The following TRDN variants were observed in gnomAD, a reference collection of about 807,000 sequenced individuals.
TRDN encodes the protein triadin in skeletal muscle.
A neutral mutation model predicts 149.7 loss-of-function variants in TRDN; 161 were observed. That is an observed-to-expected ratio of 1.08 (90% CI 0.95 to 1.23). The LOEUF (loss-of-function observed/expected upper bound fraction) is 1.23, where lower values mean the gene tolerates loss of function less well. TRDN is among the 50% of genes most tolerant of loss of function. The pLI is 0.00. For synonymous variants in TRDN, 294 were observed against 250.5 expected, an observed-to-expected ratio of 1.17 and a Z score of -1.64; for missense variants, 896 against 823.5, an observed-to-expected ratio of 1.09 and a Z score of -1.08.
chr6:123,368,951 G>A (rs1217752504), intron 19 of TRDN, among the ~76,000 whole-genome samples: 1 of 152,140 alleles, frequency 6.6e-6, no homozygotes, highest in Non-Finnish European at 1.5e-5. Context: ...ATAGTCATCT[G>A]CTGTATTAAT....
At position 123,596,620 on chromosome 6, in the gene TRDN, C is replaced by T. The variant is rs546999368; in HGVS notation, c.23-25488G>A. On this transcript the variant is annotated intron_variant, in intron 1 of 40. Transcript: ENST00000334268. ...CTAACTCTATCATTAGGAGCTAATG[C>T]AGCTGGTGACTTTAAGTTGAATCCA... Among the ~76,000 whole-genome samples, 3 of 152,196 alleles carry T rather than the reference C, an allele frequency of 2.0e-5. No homozygotes were observed. In the South Asian group the frequency reaches 6.2e-4, roughly 32 times the overall value.
At chr6:123,520,641 A>G (rs1779628372) in intron 5 of TRDN, among the ~76,000 whole-genome samples, 1 of 152,236 alleles carries the variant, frequency 6.6e-6, no homozygotes, top group Non-Finnish European at 1.5e-5. Flanking sequence ...TCTGATACTT[A>G]CGCGTTAAAT....
At chr6:123,262,398 GTTGT>G (rs74273099) in intron 33 of TRDN, among the ~76,000 whole-genome samples, 4,523 of 151,926 alleles carry the variant, frequency 0.03, 134 homozygotes, top group South Asian at 0.12. Context: ...TTCTTTTGTT[GTTGT>G]TTGTTTGTTT....
chr6:123,327,178 T>C (rs1415572446), intron 23 of TRDN, among the ~76,000 whole-genome samples: 1 of 152,130 alleles, frequency 6.6e-6, no homozygotes, highest in Non-Finnish European at 1.5e-5. Flanking sequence ...CTAATGTATT[T>C]TCCTACATTT....
chr6:123,523,010 T>A (rs1036183695), intron 5 of TRDN, among the ~76,000 whole-genome samples: 3 of 152,096 alleles, frequency 2.0e-5, no homozygotes, highest in Non-Finnish European at 4.4e-5. Context: ...CATAGTTCCC[T>A]CCCTCAGTTA....
intron 4 of TRDN, among the ~76,000 whole-genome samples, chr6:123,541,503 C>A (rs1026336405): frequency 6.6e-6 from 1 of 152,154 alleles, no homozygotes; most frequent in Non-Finnish European, 1.5e-5. Flanking sequence ...AGCCAACCTC[C>A]ATACCTACTG....
chr6:123,298,174 A>C (rs916601604), intron 24 of TRDN, among the ~76,000 whole-genome samples: 1 of 152,050 alleles, frequency 6.6e-6, no homozygotes, highest in East Asian at 1.9e-4. Flanking sequence ...AGAAAGAAAA[A>C]CCGGGGATTG....
At chr6:123,253,052 G>A (rs947437441) in intron 37 of TRDN, among the ~76,000 whole-genome samples, 15 of 151,922 alleles carry the variant, frequency 9.9e-5, no homozygotes, top group Middle Eastern at 3.4e-3. Context: ...TTCTTTCAAA[G>A]ATAGATAAAA....
intron 38 of TRDN, among the ~76,000 whole-genome samples, chr6:123,245,309 T>A (rs1055125650): frequency 1.3e-5 from 2 of 151,764 alleles, no homozygotes; most frequent in Admixed American, 6.6e-5. Context: ...GTAAATTGGA[T>A]AGAGTCAAGA....
chr6:123,472,299 C>G (rs527508507), intron 9 of TRDN, among the ~76,000 whole-genome samples: 22 of 152,270 alleles, frequency 1.4e-4, no homozygotes, highest in African/African-American at 4.6e-4. Flanking sequence ...GTTCCCCTTC[C>G]GAGTCAAAGA....
At position 123,571,131 on chromosome 6, in the gene TRDN, T is replaced by C. The variant is rs1172156295; in HGVS notation, c.24A>G (p.Gly8=). The C allele has an allele frequency of 1.2e-6, 2 of 1,613,628 alleles. No individual in the cohort carries two copies. Among genetic ancestry groups the C allele is most frequent in the African/African-American group, 1.3e-5 (1 of 74,900 alleles). Reference sequence around the variant, plus strand: ...TCACAGTTGTGGTTGTAGATGCATTTCCTAATCAAACATTCAGAAAGGAAA... The same window carrying C: ...TCACAGTTGTGGTTGTAGATGCATTCCCTAATCAAACATTCAGAAAGGAAA... MTEITAE[G]NASTTTTVID... The change falls in exon 2 of 41, where the codon GGA becomes GGG. Residue 8 remains glycine, a splice_region_variant and synonymous_variant. Transcript: ENST00000334268.
chr6:123,582,866 G>T (rs1190347691), intron 1 of TRDN, among the ~76,000 whole-genome samples: 2 of 151,998 alleles, frequency 1.3e-5, no homozygotes, highest in Admixed American at 1.3e-4. Context: ...GTGGGATTGG[G>T]GGGGCGTGGG....
chr6:123,554,877 T>A (rs1406061196), intron 2 of TRDN, among the ~76,000 whole-genome samples: 1 of 152,168 alleles, frequency 6.6e-6, no homozygotes, highest in African/African-American at 2.4e-5. Flanking sequence ...ATGAAACAGT[T>A]TGGGCTCAAG....
Position 123,265,308 on chromosome 6 carries a change from G to A in TRDN, c.1804+10C>T, listed in dbSNP as rs891753562. ...AGGACAATTTTAAAATTCTAAAATGGTACACTTACTTGGAGTTGGTTTTGG... is the reference window on the plus strand; with the variant it reads ...AGGACAATTTTAAAATTCTAAAATGATACACTTACTTGGAGTTGGTTTTGG... On this transcript the variant is annotated intron_variant, in intron 33 of 40. Transcript: ENST00000334268. 5.2e-5 allele frequency: 73 copies of A among 1,406,054 alleles called. No individual in the cohort carries two copies. Among genetic ancestry groups the A allele is most frequent in the Non-Finnish European group, 6.5e-5 (68 of 1,054,016 alleles). The allele number at this position is 1,406,054 out of a possible 1,614,324, so 87.1% of individuals were successfully genotyped here.
chr6:123,349,705 T>G, intron 21 of TRDN: 1 of 978,204 alleles, frequency 1.0e-6, no homozygotes, highest in African/African-American at 1.7e-5. Flanking sequence ...ATGGATAAAG[T>G]TTTCTCAGGG....
At chr6:123,542,532 T>G (rs1283352409) in intron 4 of TRDN, among the ~76,000 whole-genome samples, 1 of 152,164 alleles carries the variant, frequency 6.6e-6, no homozygotes, top group Non-Finnish European at 1.5e-5. Context: ...AAATTACATA[T>G]TCCAAAGGAT....
At chr6:123,392,524 C>T (rs1408082989) in intron 13 of TRDN, among the ~76,000 whole-genome samples, 1 of 151,984 alleles carries the variant, frequency 6.6e-6, no homozygotes, top group Admixed American at 6.6e-5. Context: ...TCACCCTGAC[C>T]TGCATTTTCA....
chr6:123,475,981 C>T lies in TRDN; in HGVS notation c.854-10998G>A, dbSNP rs1170546232. ...TGAATGGGCAAAAACTGGAAGCATT[C>T]CCTTTGAAAACTGGCACAAGACAGG... On this transcript the variant is annotated intron_variant, in intron 9 of 40. Transcript: ENST00000334268. 3.7e-4 allele frequency among the ~76,000 whole-genome samples: 50 copies of T among 133,824 alleles called. 1 individual carries two copies. The highest frequency in any genetic ancestry group is 1.4e-3 in the African/African-American group (49 of 35,582). The allele number at this position is 133,824 out of a possible 152,430, so 87.8% of individuals were successfully genotyped here.
chr6:123,620,543 A>G (rs1382377532), intron 1 of TRDN, among the ~76,000 whole-genome samples: 1 of 151,592 alleles, frequency 6.6e-6, no homozygotes. Flanking sequence ...TACAAATAGA[A>G]TTTTTTTTTC....
Sources: allele counts gnomAD v4.1 joint callset (sites outside exome capture counted in the v4.1 genomes callset), GRCh38; gene constraint gnomAD v4.1.1; transcripts MANE v1.5; gene names NCBI Gene and HGNC (gene_info 2026-07-23, HGNC 2026-07-21).